ARHGAP42: variants seen among roughly 807,000 people sequenced by gnomAD.
ARHGAP42 encodes the protein Rho GTPase activating protein 42.
ARHGAP42 carries 63 observed loss-of-function variants against 125.0 expected under a neutral mutation model. That is an observed-to-expected ratio of 0.50 (90% CI 0.41 to 0.62). ARHGAP42 has a LOEUF of 0.62. Among genes scored for constraint, ARHGAP42 ranks in the 20% least tolerant of loss-of-function variants. The pLI, the probability that ARHGAP42 is intolerant of heterozygous loss-of-function variation, is 0.00. For synonymous variants in ARHGAP42, 339 were observed against 351.0 expected, an observed-to-expected ratio of 0.97 and a Z score of 0.38; for missense variants, 766 against 1,024.2, an observed-to-expected ratio of 0.75 and a Z score of 3.44.
chr11:100,787,993 G>C lies in ARHGAP42; in HGVS notation c.251-7112G>C, dbSNP rs574113739. ...GCAGAGATGCCCCTAACCCTATGCA[G>C]AGTATCTTCTCAACTTGATAAAAGT... On this transcript the variant is annotated intron_variant, in intron 2 of 23. Transcript: ENST00000298815. 1.1e-4 allele frequency among the ~76,000 whole-genome samples: 17 copies of C among 152,256 alleles called. No homozygotes were observed. In the South Asian group the frequency reaches 3.3e-3, roughly 30 times the overall value.
At chr11:100,824,672 A>G (rs1423367434) in intron 3 of ARHGAP42, among the ~76,000 whole-genome samples, 1 of 152,210 alleles carries the variant, frequency 6.6e-6, no homozygotes, top group African/African-American at 2.4e-5. Context: ...TCAACTATAT[A>G]TCATCATAGA....
chr11:100,899,245 G>A (rs1234129175), intron 4 of ARHGAP42, among the ~76,000 whole-genome samples: 1 of 152,176 alleles, frequency 6.6e-6, no homozygotes, highest in Non-Finnish European at 1.5e-5. Context: ...ATTTGCTGAG[G>A]AGTGCTTTAC....
chr11:100,952,846 G>A (rs1157566356), intron 12 of ARHGAP42, among the ~76,000 whole-genome samples: 1 of 148,418 alleles, frequency 6.7e-6, no homozygotes, highest in East Asian at 2.0e-4. Context: ...TCCTACCTCA[G>A]CCTCCCAAGT....
rs1858765543 is a variant in ARHGAP42 at position 100,989,163 on chromosome 11, C to T, written c.*362C>T. 1 of 399,698 alleles carries T rather than the reference C, an allele frequency of 2.5e-6. No individual in the cohort carries two copies. Among genetic ancestry groups the T allele is most frequent in the African/African-American group, 2.1e-5 (1 of 48,614 alleles). The allele number at this position is 399,698 out of a possible 1,614,324, so 24.8% of individuals were successfully genotyped here. A position where few individuals can be genotyped will look rare whatever the true frequency, so the allele number is the denominator to read the frequency against. The stretch of plus-strand genomic sequence containing the variant: ...AAATCTGCTATATGGATTTTGAGAT[C>T]TGTCCTTTACTGCCTGGCATTCTCT... On this transcript the variant is annotated 3_prime_UTR_variant, in exon 24 of 24. Coordinates refer to ENST00000298815, the MANE Select transcript of ARHGAP42 (RefSeq NM_152432.4).
chr11:100,691,706 G>A (rs930773346), intron 1 of ARHGAP42, among the ~76,000 whole-genome samples: 3 of 151,882 alleles, frequency 2.0e-5, no homozygotes, highest in East Asian at 1.9e-4. Context: ...TTGTAGAGTC[G>A]AGGTTTTCAC....
At chr11:100,955,890 TA>T (rs1857792150) in intron 12 of ARHGAP42, among the ~76,000 whole-genome samples, 1 of 152,172 alleles carries the variant, frequency 6.6e-6, no homozygotes, top group Non-Finnish European at 1.5e-5. Flanking sequence ...TTAAGTATAG[TA>T]ACCCCTACTT....
chr11:100,819,151 T>A (rs188009148), intron 3 of ARHGAP42, among the ~76,000 whole-genome samples: 83 of 152,304 alleles, frequency 5.4e-4, no homozygotes, highest in Admixed American at 1.6e-3. Context: ...TCACCAAACA[T>A]AGCAGTGGAC....
intron 4 of ARHGAP42, among the ~76,000 whole-genome samples, chr11:100,861,202 C>A (rs1189392085): frequency 2.0e-5 from 3 of 152,070 alleles, no homozygotes; most frequent in Non-Finnish European, 2.9e-5. Context: ...AAAAAACTTA[C>A]AAATATTCCA....
intron 11 of ARHGAP42, among the ~76,000 whole-genome samples, chr11:100,949,552 T>C (rs1337928695): frequency 2.0e-5 from 3 of 152,136 alleles, no homozygotes; most frequent in African/African-American, 7.2e-5. Context: ...ATTGTGTACA[T>C]TGAGAACAGG....
intron 1 of ARHGAP42, among the ~76,000 whole-genome samples, chr11:100,738,095 G>A (rs1349185923): frequency 6.6e-6 from 1 of 152,144 alleles, no homozygotes; most frequent in Non-Finnish European, 1.5e-5. Context: ...TGGGAGAGCT[G>A]GGAGAATATT....
chr11:100,935,905 A>G (rs551922021), intron 7 of ARHGAP42, among the ~76,000 whole-genome samples: 1 of 152,178 alleles, frequency 6.6e-6, no homozygotes, highest in East Asian at 1.9e-4. Flanking sequence ...TGGGAGGTGA[A>G]CAAATTGCTT....
At chr11:100,789,197 G>A (rs1042785136) in intron 2 of ARHGAP42, among the ~76,000 whole-genome samples, 1 of 152,210 alleles carries the variant, frequency 6.6e-6, no homozygotes, top group Non-Finnish European at 1.5e-5. Context: ...GAAAAGTAAG[G>A]TTATTGTTGG....
chr11:100,801,776 A>G (rs1251489093), intron 3 of ARHGAP42, among the ~76,000 whole-genome samples: 1 of 152,224 alleles, frequency 6.6e-6, no homozygotes, highest in Non-Finnish European at 1.5e-5. Context: ...CACCTTCCAT[A>G]ATGCAGGATT....
chr11:100,691,504 C>T (rs75374213), intron 1 of ARHGAP42, among the ~76,000 whole-genome samples: 12,146 of 151,950 alleles, frequency 0.08, 852 homozygotes, highest in East Asian at 0.22. Context: ...AGAATAGAAA[C>T]TTGATAAGCA....
chr11:100,760,761 C>A (rs535739806), intron 1 of ARHGAP42, among the ~76,000 whole-genome samples: 6 of 151,842 alleles, frequency 4.0e-5, no homozygotes, highest in African/African-American at 1.4e-4. Context: ...TATATGACAC[C>A]AAGAAGGACA....
chr11:100,713,623 G>T (rs1432022193), intron 1 of ARHGAP42, among the ~76,000 whole-genome samples: 1 of 152,118 alleles, frequency 6.6e-6, no homozygotes, highest in South Asian at 2.1e-4. Context: ...TAAAATAAAT[G>T]ACCGAGTAAA....
chr11:100,830,400 A>G (rs959584675), intron 3 of ARHGAP42, among the ~76,000 whole-genome samples: 2 of 152,144 alleles, frequency 1.3e-5, no homozygotes, highest in African/African-American at 4.8e-5. Context: ...TAATATGGAG[A>G]GCACGCGCTT....
At chr11:100,911,400 A>G (rs1173700532) in intron 4 of ARHGAP42, among the ~76,000 whole-genome samples, 1 of 152,206 alleles carries the variant, frequency 6.6e-6, no homozygotes, top group Non-Finnish European at 1.5e-5. Flanking sequence ...ATATAACTAT[A>G]TGAGCATTCA....
At position 100,939,817 on chromosome 11, in the gene ARHGAP42, G is replaced by A. The variant is rs536204400; in HGVS notation, c.833-1967G>A. Among the ~76,000 whole-genome samples, 51 of 152,264 alleles carry A rather than the reference G, an allele frequency of 3.3e-4. No individual in the cohort carries two copies. In the South Asian group the frequency reaches 9.8e-3, roughly 29 times the overall value. Reference sequence around the variant, plus strand: ...AGCAGCATGTGTTTGCAGCAAACTCGAGGATTAAATGCAGGAGGTCCTGAA... The same window carrying A: ...AGCAGCATGTGTTTGCAGCAAACTCAAGGATTAAATGCAGGAGGTCCTGAA... On this transcript the variant is annotated intron_variant, in intron 8 of 23. Coordinates refer to ENST00000298815, the MANE Select transcript of ARHGAP42 (RefSeq NM_152432.4).
Sources: gnomAD v4.1 joint callset for allele counts (sites outside exome capture counted in the v4.1 genomes callset) on GRCh38, gnomAD v4.1.1 for gene constraint, MANE v1.5 for transcripts, NCBI Gene and HGNC (gene_info 2026-07-23, HGNC 2026-07-21) for gene names.